SESN3: variants seen among roughly 807,000 people sequenced by gnomAD.
The protein encoded by SESN3 is sestrin-3.
SESN3 carries 21 observed loss-of-function variants against 55.3 expected under a neutral mutation model. The ratio of observed to expected loss-of-function variants is 0.38; its 90% CI spans 0.27 to 0.55. SESN3 has a LOEUF of 0.55. Among genes scored for constraint, SESN3 ranks in the 20% least tolerant of loss-of-function variants. The pLI is 0.76. For synonymous variants in SESN3, 181 were observed against 203.1 expected, an observed-to-expected ratio of 0.89 and a Z score of 0.93; for missense variants, 408 against 604.3, an observed-to-expected ratio of 0.68 and a Z score of 3.41.
At chr11:95,217,238 A>C (rs1044683081) in intron 1 of SESN3, among the ~76,000 whole-genome samples, 1 of 152,252 alleles carries the variant, frequency 6.6e-6, no homozygotes, top group Admixed American at 6.5e-5. Flanking sequence ...AAGGTCACCC[A>C]TATCAATGTA....
chr11:95,218,689 C>A (rs1483025268), intron 1 of SESN3, among the ~76,000 whole-genome samples: 2 of 140,024 alleles, frequency 1.4e-5, no homozygotes, highest in Non-Finnish European at 3.0e-5. Flanking sequence ...CTCGCTCTGT[C>A]GCCCAGGCTG....
chr11:95,184,856 A>G (rs896135675), intron 5 of SESN3, among the ~76,000 whole-genome samples: 1 of 152,014 alleles, frequency 6.6e-6, no homozygotes, highest in Non-Finnish European at 1.5e-5. Context: ...CATTTGGTAT[A>G]TATTAAATAT....
intron 1 of SESN3, among the ~76,000 whole-genome samples, chr11:95,219,853 T>C (rs573019294): frequency 1.3e-5 from 2 of 152,200 alleles, no homozygotes; most frequent in East Asian, 1.9e-4. Context: ...TTTCAGGATA[T>C]ATGTTCCTCT....
chr11:95,223,977 A>G (rs1860905286), intron 1 of SESN3, among the ~76,000 whole-genome samples: 2 of 152,222 alleles, frequency 1.3e-5, no homozygotes, highest in Non-Finnish European at 2.9e-5. Context: ...ACAAAATAAT[A>G]TAAATCACAT....
At chr11:95,196,591 C>G (rs1210117904) in intron 1 of SESN3, among the ~76,000 whole-genome samples, 6 of 152,100 alleles carry the variant, frequency 3.9e-5, no homozygotes, top group Non-Finnish European at 7.4e-5. Context: ...TTTCTAAAGT[C>G]TCTAGACCTA....
chr11:95,216,299 CTCTT>C (rs2134261360), intron 1 of SESN3, among the ~76,000 whole-genome samples: 1 of 152,190 alleles, frequency 6.6e-6, no homozygotes, highest in East Asian at 1.9e-4. Context: ...CAATGGACTC[CTCTT>C]TGACAGTCAT....
intron 6 of SESN3, 71 bp downstream of exon 6, chr11:95,184,349 A>G (rs759956190): frequency 1.0e-5 from 13 of 1,270,798 alleles, no homozygotes; most frequent in South Asian, 2.5e-5. Context: ...ACATATCCAC[A>G]TGGAAAACAC....
At chr11:95,197,323 C>T (rs1651667604) in intron 1 of SESN3, among the ~76,000 whole-genome samples, 1 of 152,108 alleles carries the variant, frequency 6.6e-6, no homozygotes, top group Non-Finnish European at 1.5e-5. Context: ...TTTATGTAAA[C>T]ACAGTCTTTA....
intron 1 of SESN3, among the ~76,000 whole-genome samples, chr11:95,213,963 T>C (rs1860706080): frequency 6.6e-6 from 1 of 152,210 alleles, no homozygotes; most frequent in Non-Finnish European, 1.5e-5. Flanking sequence ...AAAGTTCTGC[T>C]ACCTTAACCA....
At chr11:95,199,262 C>T (rs1320421682) in intron 1 of SESN3, among the ~76,000 whole-genome samples, 1 of 151,996 alleles carries the variant, frequency 6.6e-6, no homozygotes, top group Non-Finnish European at 1.5e-5. Flanking sequence ...CTCACACTTT[C>T]TATGTGTCAC....
At chr11:95,211,487 A>G (rs1860654102) in intron 1 of SESN3, among the ~76,000 whole-genome samples, 2 of 152,186 alleles carry the variant, frequency 1.3e-5, no homozygotes, top group African/African-American at 4.8e-5. Context: ...CATCATCTAT[A>G]CAACTATAAA....
intron 1 of SESN3, among the ~76,000 whole-genome samples, chr11:95,224,163 T>C (rs1287450201): frequency 2.0e-5 from 3 of 152,236 alleles, no homozygotes; most frequent in African/African-American, 7.2e-5. Context: ...GCTACATAGT[T>C]GGAAAAAGAA....
intron 8 of SESN3, among the ~76,000 whole-genome samples, chr11:95,176,729 A>G (rs111296334): frequency 1.4e-3 from 217 of 152,328 alleles, no homozygotes; most frequent in African/African-American, 5.1e-3. Flanking sequence ...TATATTCACC[A>G]CATTTGTTGC....
rs1555124858 is a variant in SESN3 at position 95,231,176 on chromosome 11, A to ACCGCTG, written c.-317_-316insCAGCGG. 2.5e-3 allele frequency: 653 copies of ACCGCTG among 264,596 alleles called. 4 individuals carry two copies. The highest frequency in any genetic ancestry group is 0.012 in the African/African-American group (403 of 34,280). 16.4% of individuals were successfully genotyped at this position (264,596 alleles called of 1,614,324 possible). A position where few individuals can be genotyped will look rare whatever the true frequency, so the allele number is the denominator to read the frequency against. On this transcript the variant is annotated 5_prime_UTR_variant, in exon 1 of 10. Coordinates refer to ENST00000536441, the MANE Select transcript of SESN3 (RefSeq NM_144665.4). ...AGCAGCCGCCACCGCTGCCACCGCC[A>ACCGCTG]CCACCGCCGCCGCAGCGCCTCAGTG...
chr11:95,198,689 A>G (rs994546107), intron 1 of SESN3, among the ~76,000 whole-genome samples: 10 of 152,182 alleles, frequency 6.6e-5, no homozygotes, highest in African/African-American at 2.4e-4. Context: ...ATTTAAGCTG[A>G]TTAACATTAA....
intron 1 of SESN3, among the ~76,000 whole-genome samples, chr11:95,203,062 G>T (rs1860487553): frequency 6.6e-6 from 1 of 152,054 alleles, no homozygotes; most frequent in South Asian, 2.1e-4. Context: ...ACAAAAATAT[G>T]CTGTGAATGT....
Position 95,172,842 on chromosome 11 carries a change from T to C in SESN3, c.*413A>G, listed in dbSNP as rs990988881. Reference sequence around the variant, plus strand: ...GAGGTCACTCTTTGCTGAATTCCAATATCTGAAAAACAATTGCTTGAGCAG... The same window carrying C: ...GAGGTCACTCTTTGCTGAATTCCAACATCTGAAAAACAATTGCTTGAGCAG... On this transcript the variant is annotated 3_prime_UTR_variant, in exon 10 of 10. Coordinates refer to ENST00000536441, the MANE Select transcript of SESN3 (RefSeq NM_144665.4). 1.3e-5 allele frequency: 2 copies of C among 156,198 alleles called. No homozygotes were observed. The highest frequency in any genetic ancestry group is 4.9e-5 in the African/African-American group (2 of 41,234). 9.7% of individuals were successfully genotyped at this position (156,198 alleles called of 1,614,324 possible). A position where few individuals can be genotyped will look rare whatever the true frequency, so the allele number is the denominator to read the frequency against.
intron 1 of SESN3, among the ~76,000 whole-genome samples, chr11:95,226,045 A>G (rs2134272402): frequency 6.6e-6 from 1 of 152,248 alleles, no homozygotes; most frequent in South Asian, 2.1e-4. Context: ...AAAAAAAAAA[A>G]AAAAAGTCAT....
chr11:95,174,657 T>C (rs138498722), intron 9 of SESN3, among the ~76,000 whole-genome samples: 1 of 152,252 alleles, frequency 6.6e-6, no homozygotes, highest in East Asian at 1.9e-4. Flanking sequence ...CTAATTTTTG[T>C]ATTTTTTAGT....
Sources: allele counts gnomAD v4.1 joint callset (sites outside exome capture counted in the v4.1 genomes callset), GRCh38; gene constraint gnomAD v4.1.1; transcripts MANE v1.5; gene names NCBI Gene and HGNC (gene_info 2026-07-23, HGNC 2026-07-21).